SLC14A2: variants seen among roughly 807,000 people sequenced by gnomAD.
The protein encoded by SLC14A2 is urea transporter 2.
A neutral mutation model predicts 104.6 loss-of-function variants in SLC14A2; 91 were observed. That is an observed-to-expected ratio of 0.87 (90% confidence interval 0.73 to 1.04). The LOEUF is 1.04. SLC14A2 is among the 50% of genes least tolerant of loss of function. The pLI is 0.00. For missense variants in SLC14A2, 1,189 were observed against 1,156.0 expected, an observed-to-expected ratio of 1.03 and a Z score of -0.41; for synonymous variants, 476 against 466.4, an observed-to-expected ratio of 1.02 and a Z score of -0.27.
At chr18:45,375,784 A>G (rs1423901665) in intron 1 of SLC14A2, among the ~76,000 whole-genome samples, 4 of 152,112 alleles carry the variant, frequency 2.6e-5, no homozygotes, top group African/African-American at 9.7e-5. Context: ...CCATGACTAC[A>G]TTCCCCCATC....
At chr18:45,215,278 C>T (rs1455919849) in intron 1 of SLC14A2, among the ~76,000 whole-genome samples, 1 of 152,196 alleles carries the variant, frequency 6.6e-6, no homozygotes, top group African/African-American at 2.4e-5. Flanking sequence ...TTGTTAATAG[C>T]CTTACACGCC....
At chr18:45,602,296 A>G (rs2044802390) in intron 2 of SLC14A2, among the ~76,000 whole-genome samples, 1 of 152,356 alleles carries the variant, frequency 6.6e-6, no homozygotes, top group South Asian at 2.1e-4. Flanking sequence ...GTTAGTGAGC[A>G]GAGTGATTTG....
At chr18:45,258,932 T>C (rs1007573177) in intron 1 of SLC14A2, among the ~76,000 whole-genome samples, 1 of 152,192 alleles carries the variant, frequency 6.6e-6, no homozygotes, top group Non-Finnish European at 1.5e-5. Flanking sequence ...GCTGCCTTGA[T>C]CTCTACATCA....
chr18:45,293,809 A>G (rs2084894661), intron 1 of SLC14A2, among the ~76,000 whole-genome samples: 1 of 152,238 alleles, frequency 6.6e-6, no homozygotes, highest in Admixed American at 6.5e-5. Flanking sequence ...ACTCCTCTGC[A>G]GAAGACAACA....
intron 1 of SLC14A2, among the ~76,000 whole-genome samples, chr18:45,396,991 A>G (rs2086041003): frequency 6.6e-6 from 1 of 152,154 alleles, no homozygotes; most frequent in Non-Finnish European, 1.5e-5. Flanking sequence ...CACAAAAGAC[A>G]TGATCTCATT....
At chr18:45,473,784 A>G (rs533399927) in intron 1 of SLC14A2, among the ~76,000 whole-genome samples, 9 of 152,308 alleles carry the variant, frequency 5.9e-5, no homozygotes, top group African/African-American at 2.2e-4. Context: ...TTGGGCTGAG[A>G]TGATGGGGTT....
chr18:45,272,793 G>C (rs1208149745), intron 1 of SLC14A2, among the ~76,000 whole-genome samples: 1 of 152,088 alleles, frequency 6.6e-6, no homozygotes, highest in African/African-American at 2.4e-5. Flanking sequence ...ATAAATGCTT[G>C]AGGGGATGGA....
intron 1 of SLC14A2, among the ~76,000 whole-genome samples, chr18:45,418,099 T>C (rs1046008114): frequency 6.6e-5 from 10 of 152,236 alleles, no homozygotes; most frequent in Non-Finnish European, 1.3e-4. Flanking sequence ...GAAATAAATG[T>C]ATATATGAGT....
the SLC14A2 span, among the ~76,000 whole-genome samples, chr18:45,199,897 C>T: frequency 2.6e-5 from 4 of 152,120 alleles, no homozygotes; most frequent in South Asian, 2.1e-4. Context: ...TAGAAGCCAC[C>T]TTGGGCAGGC....
At chr18:45,226,116 G>A (rs1309130581) in intron 1 of SLC14A2, among the ~76,000 whole-genome samples, 2 of 152,190 alleles carry the variant, frequency 1.3e-5, no homozygotes, top group Non-Finnish European at 2.9e-5. Flanking sequence ...AAACCACAAT[G>A]AGATACCATC....
intron 2 of SLC14A2, among the ~76,000 whole-genome samples, chr18:45,539,907 A>AAAT (rs1955016794): frequency 6.6e-6 from 1 of 151,988 alleles, no homozygotes. Flanking sequence ...AAAAAAAAAA[A>AAAT]ATTTAAAAAA....
chr18:45,529,071 T>G (rs1264652682), intron 2 of SLC14A2: 3 of 152,242 alleles, frequency 2.0e-5, no homozygotes, highest in African/African-American at 4.8e-5. Flanking sequence ...ATCAGCTGAA[T>G]GCAGCTAAGT....
In SLC14A2 at chr18:45,584,708, G is replaced by A. The variant is rs577497547; in HGVS notation, c.-34-39923G>A. Among the ~76,000 whole-genome samples, 83 of 152,272 alleles carry A rather than the reference G, an allele frequency of 5.5e-4. 1 individual carries two copies. The South Asian group carries it at 0.016, about 29-fold the overall frequency. On this transcript the variant is annotated intron_variant, in intron 2 of 20. Coordinates refer to the SLC14A2 transcript ENST00000586448. Reference sequence around the variant, plus strand: ...AGCAGAGGCCCAGGCATCAGAAGTCGTAGAACCCAGCTCTAGCTCTGTGTG... The same window carrying A: ...AGCAGAGGCCCAGGCATCAGAAGTCATAGAACCCAGCTCTAGCTCTGTGTG...
rs186765499 is a variant in SLC14A2, at chr18:45,679,869, T to C, written c.2562+845T>C. The stretch of plus-strand genomic sequence containing the variant: ...GGGCTTCATTGTATTTGTGCACACC[T>C]CGGCTAAATACTTGATGTCGTACAG... On this transcript the variant is annotated intron_variant, in intron 19 of 19. Coordinates refer to ENST00000255226, the MANE Select transcript of SLC14A2 (RefSeq NM_007163.4). Among the ~76,000 whole-genome samples, 61 of 152,338 alleles carry C rather than the reference T, an allele frequency of 4.0e-4. No homozygotes were observed. In the East Asian group the frequency reaches 8.7e-3, roughly 22 times the overall value.
chr18:45,628,516 A>C (rs547663796), intron 4 of SLC14A2, among the ~76,000 whole-genome samples: 8 of 152,210 alleles, frequency 5.3e-5, no homozygotes, highest in African/African-American at 1.9e-4. Context: ...CATAGCTATG[A>C]AAATTCAGTG....
rs745791649 is a variant in SLC14A2, at chr18:45,669,453, A to G, written c.2184A>G (p.Ala728=). The stretch of plus-strand genomic sequence containing the variant: ...TCCCCACAACGCTGCTGCAGCCTGC[A>G]TCCGCCATGCCCAACATCACCTGGT... ...LFFPTTLLQP[A]SAMPNITWSE... The change falls in exon 16 of 20, where the codon GCA becomes GCG. Residue 728 remains alanine, a synonymous_variant. Coordinates refer to ENST00000255226, the MANE Select transcript of SLC14A2 (RefSeq NM_007163.4). 3 of 1,614,142 alleles carry G rather than the reference A, an allele frequency of 1.9e-6. No individual in the cohort carries two copies. The highest frequency in any genetic ancestry group is 2.7e-5 in the African/African-American group (2 of 75,048).
intron 1 of SLC14A2, among the ~76,000 whole-genome samples, chr18:45,355,412 A>G (rs1422395156): frequency 6.6e-6 from 1 of 151,810 alleles, no homozygotes; most frequent in Non-Finnish European, 1.5e-5. Context: ...TGTCTCTACT[A>G]AAAATACATT....
At chr18:45,312,014 C>G (rs2085084144) in intron 1 of SLC14A2, among the ~76,000 whole-genome samples, 2 of 152,176 alleles carry the variant, frequency 1.3e-5, no homozygotes, top group African/African-American at 4.8e-5. Context: ...TAGTGAGTGA[C>G]CAAGTCCTCA....
intron 16 of SLC14A2, among the ~76,000 whole-genome samples, chr18:45,672,642 T>C (rs1449683061): frequency 1.3e-5 from 2 of 152,204 alleles, no homozygotes; most frequent in Non-Finnish European, 2.9e-5. Flanking sequence ...TTCTCTTCCC[T>C]GAGGGATAAA....
Sources: allele counts gnomAD v4.1 joint callset (sites outside exome capture counted in the v4.1 genomes callset), GRCh38; gene constraint gnomAD v4.1.1; transcripts MANE v1.5; gene names NCBI Gene and HGNC (gene_info 2026-07-23, HGNC 2026-07-21).